The following DNAH8 variants were observed in gnomAD, a reference collection of about 807,000 sequenced individuals.
DNAH8 encodes dynein axonemal heavy chain 8, also known as axonemal beta dynein heavy chain 8.
Under a neutral mutation model 562.1 loss-of-function variants are expected in DNAH8, and 382 were observed. The observed-to-expected ratio is 0.68, with a 90% CI of 0.63 to 0.74. DNAH8 has a LOEUF of 0.74. DNAH8 is among the 30% of genes least tolerant of loss of function. The pLI is 0.00. For synonymous variants in DNAH8, 1,881 were observed against 1,919.4 expected, an observed-to-expected ratio of 0.98 and a Z score of 0.52; for missense variants, 5,203 against 5,620.4, an observed-to-expected ratio of 0.93 and a Z score of 2.37.
At chr6:39,007,955 A>G (rs1052707498) in intron 88 of DNAH8, among the ~76,000 whole-genome samples, 15 of 107,830 alleles carry the variant, frequency 1.4e-4, no homozygotes, top group Non-Finnish European at 2.5e-4. Flanking sequence ...ACCCACACAC[A>G]CACACACATT....
chr6:38,973,283 T>C (rs757569834), intron 83 of DNAH8, among the ~76,000 whole-genome samples: 3 of 152,210 alleles, frequency 2.0e-5, no homozygotes, highest in African/African-American at 4.8e-5. Context: ...GAACCAGTCT[T>C]CTGGGTTTTG....
Position 38,973,647 on chromosome 6 carries a change from AT to A in DNAH8, c.12526-9del. On this transcript the variant is annotated splice_polypyrimidine_tract_variant and intron_variant, in intron 83 of 92. Transcript: ENST00000327475. ...GGTTACAAGAAATAAATATGAACTT[AT>A]TTTTGGATACAGGGTGGTTGGGTAT... 4 of 1,552,680 alleles carry A rather than the reference AT, an allele frequency of 2.6e-6. No individual in the cohort carries two copies. Among genetic ancestry groups the A allele is most frequent in the Non-Finnish European group, 2.6e-6 (3 of 1,155,616 alleles).
At chr6:38,855,370 T>TAAAATAAAAATAAAATAAAAGTG (rs1776116819) in intron 41 of DNAH8, among the ~76,000 whole-genome samples, 4 of 152,150 alleles carry the variant, frequency 2.6e-5, no homozygotes, top group Non-Finnish European at 5.9e-5. Context: ...GAAACTTAAA[T>TAAAATAAAAATAAAATAAAAGTG]AAAATAAAAA....
intron 17 of DNAH8, among the ~76,000 whole-genome samples, chr6:38,784,549 T>A (rs750810354): frequency 6.6e-5 from 10 of 152,286 alleles, no homozygotes; most frequent in Middle Eastern, 3.4e-3. Context: ...GCTTTATAGA[T>A]CTACCTTGTG....
At chr6:38,994,375 T>A (rs1764992371) in intron 88 of DNAH8, among the ~76,000 whole-genome samples, 1 of 152,178 alleles carries the variant, frequency 6.6e-6, no homozygotes, top group Admixed American at 6.5e-5. Context: ...TATTGTCGTT[T>A]CGTTTTATTT....
intron 62 of DNAH8, among the ~76,000 whole-genome samples, chr6:38,900,524 G>A (rs1021753241): frequency 1.3e-5 from 2 of 152,054 alleles, no homozygotes; most frequent in Non-Finnish European, 2.9e-5. Context: ...AGTTTTCCAT[G>A]TGGTTGTACC....
At chr6:38,976,023 C>T (rs369763165) in intron 85 of DNAH8, among the ~76,000 whole-genome samples, 1 of 152,218 alleles carries the variant, frequency 6.6e-6, no homozygotes, top group Admixed American at 6.5e-5. Flanking sequence ...CTTAACACCA[C>T]ATGTGTTTGG....
chr6:38,892,828 C>T (rs1193503876), intron 58 of DNAH8, among the ~76,000 whole-genome samples: 2 of 152,146 alleles, frequency 1.3e-5, no homozygotes, highest in African/African-American at 2.4e-5. Flanking sequence ...CTGCTCCAGC[C>T]GATGGCCCTG....
chr6:38,930,476 C>T (rs376873219), intron 75 of DNAH8, among the ~76,000 whole-genome samples: 4 of 152,026 alleles, frequency 2.6e-5, no homozygotes, highest in Admixed American at 6.6e-5. Flanking sequence ...TTTTATATGC[C>T]GCATTTTAAA....
intron 62 of DNAH8, among the ~76,000 whole-genome samples, chr6:38,900,970 T>C (rs1426382304): frequency 6.6e-6 from 1 of 152,200 alleles, no homozygotes; most frequent in Non-Finnish European, 1.5e-5. Flanking sequence ...GTTTCCCAGA[T>C]GGCTAATGAT....
chr6:38,910,968 C>T (rs1780845235), intron 65 of DNAH8, among the ~76,000 whole-genome samples: 1 of 152,152 alleles, frequency 6.6e-6, no homozygotes. Context: ...ATTTCAAGGC[C>T]AATCCAGTGA....
chr6:38,884,062 ATATG>A, intron 56 of DNAH8, 64 bp downstream of exon 56: 3 of 1,060,746 alleles, frequency 2.8e-6, no homozygotes, highest in Non-Finnish European at 3.6e-6. Flanking sequence ...TATATTATAT[ATATG>A]TAAATGTTAA....
intron 31 of DNAH8, 89 bp downstream of exon 31, chr6:38,832,524 G>A (rs74331676): frequency 1.2e-5 from 9 of 768,768 alleles, no homozygotes; most frequent in South Asian, 3.6e-5. Flanking sequence ...GAATAGGTAC[G>A]TTGCATGTAT....
chr6:38,973,830 C>A lies in DNAH8; in HGVS notation c.12678+17C>A. 1 of 1,579,704 alleles carries A rather than the reference C, an allele frequency of 6.3e-7. No homozygotes were observed. Among genetic ancestry groups the A allele is most frequent in the Non-Finnish European group, 8.6e-7 (1 of 1,163,960 alleles). On this transcript the variant is annotated intron_variant, in intron 84 of 92. Coordinates refer to ENST00000327475, the MANE Select transcript of DNAH8 (RefSeq NM_001206927.2). ...TTGCTTCAGGTTTGTTACTAAACGTCTTTTCATCGAGAGTCATAGTAATAA... is the reference window on the plus strand; with the variant it reads ...TTGCTTCAGGTTTGTTACTAAACGTATTTTCATCGAGAGTCATAGTAATAA...
At chr6:39,020,589 A>G (rs1395589974) in intron 91 of DNAH8, among the ~76,000 whole-genome samples, 1 of 152,136 alleles carries the variant, frequency 6.6e-6, no homozygotes, top group African/African-American at 2.4e-5. Context: ...ATAAGTATAC[A>G]TGTGTCATGG....
chr6:38,966,861 C>T (rs1045232029), intron 82 of DNAH8, among the ~76,000 whole-genome samples: 7 of 152,118 alleles, frequency 4.6e-5, no homozygotes, highest in Non-Finnish European at 8.8e-5. Flanking sequence ...AGATCAAGAC[C>T]TTGGCCGATT....
intron 82 of DNAH8, among the ~76,000 whole-genome samples, chr6:38,962,641 G>A (rs759889879): frequency 1.3e-5 from 2 of 152,112 alleles, no homozygotes; most frequent in African/African-American, 2.4e-5. Flanking sequence ...AAGGCATTAA[G>A]TGCTTTAAAA....
intron 10 of DNAH8, among the ~76,000 whole-genome samples, chr6:38,757,335 G>C (rs1766017595): frequency 6.6e-6 from 1 of 151,964 alleles, no homozygotes; most frequent in African/African-American, 2.4e-5. Context: ...AGAAGTGTCT[G>C]TTCATATCCT....
At chr6:38,851,971 C>A (rs1252046759) in intron 39 of DNAH8, among the ~76,000 whole-genome samples, 1 of 152,144 alleles carries the variant, frequency 6.6e-6, no homozygotes, top group Non-Finnish European at 1.5e-5. Flanking sequence ...TGGTTCTCAC[C>A]TCACAGGACT....
Sources: allele counts gnomAD v4.1 joint callset (sites outside exome capture counted in the v4.1 genomes callset), GRCh38; gene constraint gnomAD v4.1.1; transcripts MANE v1.5; gene names NCBI Gene and HGNC (gene_info 2026-07-23, HGNC 2026-07-21).